Variants in KIAA1217 observed in about 807,000 individuals in gnomAD.
The protein encoded by KIAA1217 is sickle tail protein homolog.
KIAA1217 carries 88 observed loss-of-function variants against 163.9 expected under a neutral mutation model. The ratio of observed to expected loss-of-function variants is 0.54; its 90% CI spans 0.45 to 0.64. KIAA1217 has a LOEUF of 0.64. Ranked by LOEUF, KIAA1217 falls within the 30% of genes least tolerant of loss-of-function variation. The pLI, the probability that KIAA1217 is intolerant of heterozygous loss-of-function variation, is 0.00. For synonymous variants in KIAA1217, 903 were observed against 923.1 expected (o/e 0.98, Z 0.39); for missense variants, 2,372 against 2,475.0 (o/e 0.96, Z 0.88).
chr10:24,282,894 C>T (rs935984839), intron 2 of KIAA1217, among the ~76,000 whole-genome samples: 3 of 133,644 alleles, frequency 2.2e-5, no homozygotes, highest in Non-Finnish European at 4.6e-5. Context: ...AGTGCAATGG[C>T]GCAATCTCGG....
At chr10:24,351,471 A>T (rs1197614283) in intron 2 of KIAA1217, among the ~76,000 whole-genome samples, 1 of 152,110 alleles carries the variant, frequency 6.6e-6, no homozygotes, top group Non-Finnish European at 1.5e-5. Flanking sequence ...GGGTGGATAT[A>T]GCTGTGTTAC....
At chr10:24,485,710 G>A (rs1175536699) in intron 6 of KIAA1217, among the ~76,000 whole-genome samples, 1 of 152,214 alleles carries the variant, frequency 6.6e-6, no homozygotes, top group Non-Finnish European at 1.5e-5. Context: ...ATGGTTTACA[G>A]GTTATAATGT....
chr10:24,127,661 G>A (rs2063514936), intron 2 of KIAA1217, among the ~76,000 whole-genome samples: 1 of 152,058 alleles, frequency 6.6e-6, no homozygotes, highest in Admixed American at 6.6e-5. Flanking sequence ...AGATATGATG[G>A]GGACTCTATT....
chr10:24,220,261 A>C (rs2069397177), intron 2 of KIAA1217, among the ~76,000 whole-genome samples: 1 of 152,206 alleles, frequency 6.6e-6, no homozygotes, highest in South Asian at 2.1e-4. Context: ...TGAGGAAAGC[A>C]TGGCACCAAC....
intron 1 of KIAA1217, among the ~76,000 whole-genome samples, chr10:23,970,121 G>GT (rs1168739587): frequency 6.6e-6 from 1 of 152,166 alleles, no homozygotes; most frequent in Non-Finnish European, 1.5e-5. Flanking sequence ...TGAGGTTTGG[G>GT]TGGGGACACA....
intron 1 of KIAA1217, among the ~76,000 whole-genome samples, chr10:23,910,499 G>A (rs1842389292): frequency 6.6e-6 from 1 of 152,138 alleles, no homozygotes; most frequent in African/African-American, 2.4e-5. Flanking sequence ...GGCTGCAGCT[G>A]CCACTGTTTG....
At chr10:24,059,131 T>G (rs1241551270) in intron 2 of KIAA1217, among the ~76,000 whole-genome samples, 1 of 152,230 alleles carries the variant, frequency 6.6e-6, no homozygotes, top group Non-Finnish European at 1.5e-5. Flanking sequence ...TCTATTGAGA[T>G]GAGCATGTGA....
At chr10:24,532,331 C>G (rs747287512) in intron 15 of KIAA1217, among the ~76,000 whole-genome samples, 1 of 152,242 alleles carries the variant, frequency 6.6e-6, no homozygotes, top group African/African-American at 2.4e-5. Context: ...GAGCTGACAC[C>G]GTTGTGGGAG....
At chr10:24,221,653 A>C (rs1313680588) in intron 2 of KIAA1217, among the ~76,000 whole-genome samples, 2 of 152,226 alleles carry the variant, frequency 1.3e-5, no homozygotes, top group East Asian at 3.8e-4. Flanking sequence ...TTTTGTTCAC[A>C]CTTCCAACAG....
At chr10:24,286,227 G>T (rs1387461338) in intron 2 of KIAA1217, among the ~76,000 whole-genome samples, 1 of 151,708 alleles carries the variant, frequency 6.6e-6, no homozygotes, top group African/African-American at 2.4e-5. Context: ...TTTTTAATTG[G>T]TTTTTTAAAA....
At chr10:23,886,661 G>T (rs977589497) in intron 1 of KIAA1217, among the ~76,000 whole-genome samples, 6 of 152,096 alleles carry the variant, frequency 3.9e-5, no homozygotes, top group Admixed American at 6.5e-5. Context: ...TCAGGTTGAG[G>T]TTGATTTTTG....
intron 2 of KIAA1217, among the ~76,000 whole-genome samples, chr10:24,367,659 T>C (rs746344499): frequency 3.7e-4 from 57 of 152,264 alleles, no homozygotes; most frequent in South Asian, 2.1e-4. Context: ...AGTTCCAATG[T>C]GTCCAATGTT....
chr10:24,399,769 A>T (rs2056302294), intron 3 of KIAA1217, among the ~76,000 whole-genome samples: 2 of 152,256 alleles, frequency 1.3e-5, no homozygotes, highest in South Asian at 4.1e-4. Context: ...GAAGATTTCT[A>T]GCAATATAGC....
chr10:23,892,115 A>G (rs1841442715), intron 1 of KIAA1217, among the ~76,000 whole-genome samples: 1 of 151,990 alleles, frequency 6.6e-6, no homozygotes, highest in Non-Finnish European at 1.5e-5. Context: ...ATGTTACAAT[A>G]GGTATTTTTA....
intron 2 of KIAA1217, among the ~76,000 whole-genome samples, chr10:24,100,812 A>G (rs1399333865): frequency 1.3e-5 from 2 of 152,006 alleles, no homozygotes; most frequent in Non-Finnish European, 2.9e-5. Flanking sequence ...CTTCCTTTTC[A>G]TGTCAGCTTT....
intron 2 of KIAA1217, among the ~76,000 whole-genome samples, chr10:24,346,443 G>C (rs1425629407): frequency 2.0e-5 from 3 of 151,870 alleles, no homozygotes; most frequent in African/African-American, 7.2e-5. Context: ...CTGCACTCCA[G>C]CCTGGGGGAC....
At chr10:24,066,189 T>G (rs1445828630) in intron 2 of KIAA1217, among the ~76,000 whole-genome samples, 1 of 152,214 alleles carries the variant, frequency 6.6e-6, no homozygotes, top group East Asian at 1.9e-4. Flanking sequence ...GTCATTATGA[T>G]GTTAGCTGGT....
chr10:23,853,757 C>T (rs943460220), intron 1 of KIAA1217, among the ~76,000 whole-genome samples: 105 of 152,168 alleles, frequency 6.9e-4, no homozygotes, highest in Middle Eastern at 3.4e-3. Flanking sequence ...GTGTGTGTGT[C>T]GAGGAATTTA....
At chr10:24,189,824 G>A (rs933737251) in intron 2 of KIAA1217, among the ~76,000 whole-genome samples, 9 of 152,130 alleles carry the variant, frequency 5.9e-5, no homozygotes, top group Middle Eastern at 3.4e-3. Context: ...GAGACCAGCC[G>A]GGGCAGCCTA....
Sources: gnomAD v4.1 joint callset for allele counts (sites outside exome capture counted in the v4.1 genomes callset) on GRCh38, gnomAD v4.1.1 for gene constraint, MANE v1.5 for transcripts, NCBI Gene and HGNC (gene_info 2026-07-23, HGNC 2026-07-21) for gene names.